The following HERC4 variants were observed in gnomAD, a reference collection of about 807,000 sequenced individuals.
HERC4 encodes the protein probable E3 ubiquitin-protein ligase HERC4.
HERC4 carries 28 observed loss-of-function variants against 124.3 expected under a neutral mutation model. The observed-to-expected ratio is 0.23, with a 90% CI of 0.17 to 0.31. The LOEUF (loss-of-function observed/expected upper bound fraction) is 0.31. Ranked by LOEUF, HERC4 falls within the 10% of genes least tolerant of loss-of-function variation. The pLI is 1.00. For missense variants in HERC4, 713 were observed against 1,229.3 expected, an observed-to-expected ratio of 0.58 and a Z score of 6.28; for synonymous variants, 407 against 421.5, an observed-to-expected ratio of 0.97 and a Z score of 0.42.
intron 23 of HERC4, among the ~76,000 whole-genome samples, chr10:67,930,630 T>G (rs1220834144): frequency 6.6e-6 from 1 of 152,232 alleles, no homozygotes; most frequent in Non-Finnish European, 1.5e-5. Flanking sequence ...TTAGTCATCT[T>G]AATAGGTATA....
intron 15 of HERC4, among the ~76,000 whole-genome samples, chr10:67,982,513 A>G (rs1383391432): frequency 1.3e-5 from 2 of 152,202 alleles, no homozygotes; most frequent in Non-Finnish European, 2.9e-5. Flanking sequence ...ACCTCAAACT[A>G]TGAAACTACT....
At position 68,052,881 on chromosome 10, in the gene HERC4, C is replaced by T. The variant is rs911120532; in HGVS notation, c.227-8318G>A. ...ATTCTATATTCTTAATTGTGGAAAA[C>T]GAAAGCTACAAAAAGAGAAAAATAA... On this transcript the variant is annotated intron_variant, in intron 3 of 24. Transcript: ENST00000373700. 2.0e-5 allele frequency among the ~76,000 whole-genome samples: 3 copies of T among 151,910 alleles called. No homozygotes were observed. In the East Asian group the frequency reaches 5.8e-4, roughly 29 times the overall value.
At chr10:67,924,296 T>C (rs2131936899) in intron 24 of HERC4, among the ~76,000 whole-genome samples, 1 of 152,344 alleles carries the variant, frequency 6.6e-6, no homozygotes, top group African/African-American at 2.4e-5. Flanking sequence ...TGTACATTCA[T>C]GTGTCACTTA....
At chr10:67,969,856 G>A (rs1237812617) in intron 15 of HERC4, among the ~76,000 whole-genome samples, 2 of 152,136 alleles carry the variant, frequency 1.3e-5, no homozygotes, top group Admixed American at 1.3e-4. Context: ...CTAAAACCAA[G>A]GCTATACCAC....
chr10:67,925,958 C>T (rs1034324527), intron 23 of HERC4, among the ~76,000 whole-genome samples: 17 of 152,158 alleles, frequency 1.1e-4, no homozygotes, highest in African/African-American at 3.9e-4. Flanking sequence ...CATGAGGGAA[C>T]CCTGAGCCCA....
chr10:68,064,195 T>C (rs1383474597), intron 3 of HERC4, among the ~76,000 whole-genome samples: 2 of 149,466 alleles, frequency 1.3e-5, no homozygotes, highest in Non-Finnish European at 3.0e-5. Flanking sequence ...GCCGAGATCA[T>C]GCCACTGCAC....
intron 19 of HERC4, among the ~76,000 whole-genome samples, 195 bp from the exon 20 acceptor site, chr10:67,941,300 TC>T (rs1422826427): frequency 3.9e-5 from 6 of 152,220 alleles, no homozygotes; most frequent in Non-Finnish European, 4.4e-5. Flanking sequence ...TAGCATATTT[TC>T]TCAGACTTAA....
chr10:67,992,569 T>C, intron 10 of HERC4, 37 bp downstream of exon 10: 1 of 1,226,060 alleles, frequency 8.2e-7, no homozygotes, highest in Non-Finnish European at 1.2e-6. Context: ...TCAAAATTAT[T>C]GGAGCTATTT....
chr10:68,000,191 C>T (rs2037141834), intron 9 of HERC4, among the ~76,000 whole-genome samples: 1 of 152,124 alleles, frequency 6.6e-6, no homozygotes, highest in African/African-American at 2.4e-5. Flanking sequence ...TTTGCCTGTA[C>T]TAACAGGGGC....
intron 16 of HERC4, among the ~76,000 whole-genome samples, chr10:67,958,929 G>A (rs1217166148): frequency 6.6e-6 from 1 of 152,032 alleles, no homozygotes; most frequent in African/African-American, 2.4e-5. Context: ...ATTTTCTTCA[G>A]AAAACTTCTG....
intron 19 of HERC4, among the ~76,000 whole-genome samples, chr10:67,953,215 T>C (rs1056636887): frequency 3.3e-5 from 5 of 152,208 alleles, no homozygotes; most frequent in South Asian, 2.1e-4. Context: ...TAAAACTAAA[T>C]TGAATTTGAA....
At chr10:67,992,780 T>C in intron 9 of HERC4, 98 bp from the exon 10 acceptor site, 2 of 649,606 alleles carry the variant, frequency 3.1e-6, no homozygotes, top group East Asian at 5.6e-5. Flanking sequence ...TCTTATTTAA[T>C]AAGGCCTCCC....
chr10:67,988,731 G>A lies in HERC4; in HGVS notation c.1738C>T (p.Pro580Ser), dbSNP rs2036397234. 2 of 1,604,300 alleles carry A rather than the reference G, an allele frequency of 1.2e-6. No homozygotes were observed. Among genetic ancestry groups the A allele is most frequent in the Non-Finnish European group, 1.7e-6 (2 of 1,175,190 alleles). ...CTGTTGAAAATTCTTCTTTCAGAAG[G>A]GGGAATACCGATCTTGTAGAGTTTC... ...LLKLYKIGIPPSERRIFNSFL... is the reference protein window; with the variant it reads ...LLKLYKIGIPSSERRIFNSFL... The change falls in exon 15 of 25, where the codon CCT becomes TCT. Residue 580 changes from proline (P) to serine (S), a missense_variant. By Grantham distance (74) the Pro-to-Ser change is moderately conservative. Coordinates refer to ENST00000373700, the MANE Select transcript of HERC4 (RefSeq NM_015601.4).
chr10:68,026,822 G>A (rs1480409555), intron 7 of HERC4, among the ~76,000 whole-genome samples: 1 of 150,900 alleles, frequency 6.6e-6, no homozygotes, highest in Admixed American at 6.6e-5. Context: ...CAGCCTGGGC[G>A]ACAGAAAGAC....
chr10:67,950,776 T>C (rs576912374), intron 19 of HERC4, among the ~76,000 whole-genome samples: 1 of 152,338 alleles, frequency 6.6e-6, no homozygotes, highest in East Asian at 1.9e-4. Context: ...TATGGATGCA[T>C]GTGTGTATAC....
chr10:67,949,111 TAAAAATACA>T (rs2033607031), intron 19 of HERC4, among the ~76,000 whole-genome samples: 3 of 149,166 alleles, frequency 2.0e-5, no homozygotes, highest in Non-Finnish European at 3.0e-5. Context: ...TAAAATAAAA[TAAAAATACA>T]AAAAATACAA....
At chr10:68,056,910 C>T (rs911528161) in intron 3 of HERC4, among the ~76,000 whole-genome samples, 6 of 152,074 alleles carry the variant, frequency 3.9e-5, no homozygotes, top group South Asian at 2.1e-4. Context: ...GTTGGTGCTA[C>T]GGGAAAGGAA....
chr10:67,991,094 G>A (rs770263052), intron 12 of HERC4, 46 bp downstream of exon 12: 234 of 1,411,374 alleles, frequency 1.7e-4, no homozygotes, highest in Non-Finnish European at 2.2e-4. Context: ...TACTATTTAA[G>A]ACAATAAATT....
chr10:68,015,732 C>T (rs1297850642), intron 8 of HERC4, among the ~76,000 whole-genome samples: 1 of 152,142 alleles, frequency 6.6e-6, no homozygotes, highest in Non-Finnish European at 1.5e-5. Flanking sequence ...AAAACTCCTC[C>T]TCACACTGGA....
Sources: allele counts gnomAD v4.1 joint callset (sites outside exome capture counted in the v4.1 genomes callset), GRCh38; gene constraint gnomAD v4.1.1; transcripts MANE v1.5; gene names NCBI Gene and HGNC (gene_info 2026-07-23, HGNC 2026-07-21).